Variants in RNF128 observed in about 807,000 individuals in gnomAD.
The protein encoded by RNF128 is E3 ubiquitin-protein ligase RNF128.
In RNF128, 13 loss-of-function variants were observed where a neutral mutation model predicts 26.2. The ratio of observed to expected loss-of-function variants is 0.50; its 90% CI spans 0.32 to 0.79. RNF128 has a LOEUF of 0.79. RNF128 is among the 30% of genes least tolerant of loss of function. RNF128 has a pLI of 0.03. For synonymous variants in RNF128, 149 were observed against 142.5 expected (o/e 1.05, Z -0.32); for missense variants, 315 against 349.7 (o/e 0.90, Z 0.79).
At chrX:106,735,848 T>G (rs1410185404) in intron 1 of RNF128, among the ~76,000 whole-genome samples, 8 of 111,561 alleles carry the variant, frequency 7.2e-5, no homozygotes, top group Non-Finnish European at 1.5e-4. Context: ...TTTCCTATTT[T>G]AATATGGAAT....
chrX:106,718,514 A>T (rs1351466203), intron 1 of RNF128, among the ~76,000 whole-genome samples: 2 of 110,511 alleles, frequency 1.8e-5, no homozygotes, highest in Non-Finnish European at 3.8e-5. Context: ...CTTAGAAAAA[A>T]TGTACCTCCC....
chrX:106,792,803 C>A (rs1410835697), intron 6 of RNF128, among the ~76,000 whole-genome samples: 2 of 111,463 alleles, frequency 1.8e-5, no homozygotes, highest in South Asian at 7.4e-4. Flanking sequence ...TTTTAAAGTT[C>A]TTTTGGATAA....
intron 1 of RNF128, among the ~76,000 whole-genome samples, chrX:106,719,939 TA>T (rs1461000323): frequency 1.8e-5 from 2 of 109,957 alleles, no homozygotes; most frequent in Non-Finnish European, 3.8e-5. Flanking sequence ...CATAGTTCAT[TA>T]AAAACATTTT....
chrX:106,719,607 T>C (rs1383474724), intron 1 of RNF128, among the ~76,000 whole-genome samples: 1 of 111,812 alleles, frequency 8.9e-6, no homozygotes, highest in East Asian at 2.8e-4. Flanking sequence ...TCTACAGCTC[T>C]TCTCTCATTT....
At chrX:106,781,644 G>A (rs139378713) in intron 2 of RNF128, among the ~76,000 whole-genome samples, 2,753 of 111,456 alleles carry the variant, frequency 0.025, 35 homozygotes, top group Non-Finnish European at 0.037. Flanking sequence ...TAAATCACTT[G>A]TCTTGCATCC....
chrX:106,740,562 C>A, intron 1 of RNF128, among the ~76,000 whole-genome samples: 1 of 111,407 alleles, frequency 9.0e-6, no homozygotes. Flanking sequence ...ATACAACCAA[C>A]AAATAATTTT....
intron 1 of RNF128, among the ~76,000 whole-genome samples, chrX:106,694,944 C>T (rs1432100919): frequency 9.0e-6 from 1 of 111,066 alleles, no homozygotes; most frequent in Non-Finnish European, 1.9e-5. Context: ...TCTGCAAAAA[C>T]GTGATATTAC....
intron 1 of RNF128, among the ~76,000 whole-genome samples, chrX:106,732,813 TA>T (rs1929522449): frequency 8.9e-6 from 1 of 112,090 alleles, no homozygotes; most frequent in African/African-American, 3.2e-5. Context: ...TGGGGTGTTT[TA>T]TTTTTTTGAT....
chrX:106,730,813 T>TAA (rs1006283429), intron 1 of RNF128, among the ~76,000 whole-genome samples: 1 of 104,245 alleles, frequency 9.6e-6, no homozygotes, highest in African/African-American at 3.4e-5. Context: ...CTGAGGGCTG[T>TAA]AAAAAAAAAA....
chrX:106,727,497 G>A (rs1602369670), intron 1 of RNF128, 100 bp downstream of exon 1: 1 of 1,046,968 alleles, frequency 9.6e-7, no homozygotes, highest in East Asian at 3.1e-5. Context: ...TTGCTCCGAA[G>A]GAAAGTGGGT....
chrX:106,697,742 T>A (rs761331425), intron 1 of RNF128, among the ~76,000 whole-genome samples: 5 of 110,956 alleles, frequency 4.5e-5, no homozygotes, highest in Non-Finnish European at 9.4e-5. Flanking sequence ...CTGAAGGGGA[T>A]AATTTCAGTT....
intron 3 of RNF128, among the ~76,000 whole-genome samples, chrX:106,785,438 C>T (rs1046910930): frequency 3.6e-5 from 4 of 111,296 alleles, no homozygotes; most frequent in Non-Finnish European, 5.7e-5. Context: ...AATATAATTG[C>T]AGTGTCCTTA....
At chrX:106,736,941 A>G (rs1404024072) in intron 1 of RNF128, among the ~76,000 whole-genome samples, 2 of 111,576 alleles carry the variant, frequency 1.8e-5, no homozygotes, top group East Asian at 2.8e-4. Context: ...TAGTGTTTCT[A>G]TTGTGGCTGT....
intron 3 of RNF128, among the ~76,000 whole-genome samples, chrX:106,785,704 A>G (rs761297271): frequency 8.9e-6 from 1 of 112,427 alleles, no homozygotes; most frequent in Non-Finnish European, 1.9e-5. Context: ...CCACTGAATT[A>G]TGATAATTTG....
intron 4 of RNF128, among the ~76,000 whole-genome samples, chrX:106,789,113 A>G (rs1569445504): frequency 2.3e-5 from 2 of 86,439 alleles, no homozygotes; most frequent in Non-Finnish European, 4.4e-5. Context: ...ACTATATACT[A>G]TATATACTAT....
intron 1 of RNF128, among the ~76,000 whole-genome samples, chrX:106,713,900 G>A (rs1165898922): frequency 2.7e-5 from 3 of 111,663 alleles, no homozygotes; most frequent in Non-Finnish European, 5.6e-5. Context: ...GCAAGGCCGG[G>A]CGCGGTGGCT....
rs918401807 is a variant in RNF128 at position 106,773,884 on chromosome X, G to C, written c.732+724G>C. Reference sequence around the variant, plus strand: ...ATATGCTCACATTTCTCCTTACCCAGCTTAAATTCCATGGTTACTCCCATG... The same window carrying C: ...ATATGCTCACATTTCTCCTTACCCACCTTAAATTCCATGGTTACTCCCATG... On this transcript the variant is annotated intron_variant, in intron 2 of 6. Coordinates refer to ENST00000255499, the MANE Select transcript of RNF128 (RefSeq NM_194463.2). 5.4e-5 allele frequency among the ~76,000 whole-genome samples: 6 copies of C among 111,084 alleles called. No homozygotes were observed. The Admixed American group carries it at 5.8e-4, about 11-fold the overall frequency.
At chrX:106,793,848 T>C (rs756588947) in intron 6 of RNF128, among the ~76,000 whole-genome samples, 4 of 111,377 alleles carry the variant, frequency 3.6e-5, no homozygotes, top group Non-Finnish European at 7.6e-5. Flanking sequence ...TGGTGTCTTA[T>C]TAGTGATGAT....
At chrX:106,733,180 T>C (rs1362779609) in intron 1 of RNF128, among the ~76,000 whole-genome samples, 1 of 111,330 alleles carries the variant, frequency 9.0e-6, no homozygotes, top group Non-Finnish European at 1.9e-5. Context: ...TATGCACACA[T>C]TGAACCATTT....
Sources: allele counts gnomAD v4.1 joint callset (sites outside exome capture counted in the v4.1 genomes callset), GRCh38; gene constraint gnomAD v4.1.1; transcripts MANE v1.5; gene names NCBI Gene and HGNC (gene_info 2026-07-23, HGNC 2026-07-21).